The following STK10 variants were observed in gnomAD, a reference collection of about 807,000 sequenced individuals.
STK10 encodes the protein serine/threonine-protein kinase 10.
A neutral mutation model predicts 113.8 loss-of-function variants in STK10; 78 were observed. That is an observed-to-expected ratio of 0.69 (90% confidence interval 0.57 to 0.83). The LOEUF (loss-of-function observed/expected upper bound fraction) is 0.83, where lower values mean the gene tolerates loss of function less well. STK10 is among the 40% of genes least tolerant of loss of function. The pLI is 0.00. For synonymous variants in STK10, 465 were observed against 494.7 expected (o/e 0.94, Z 0.80); for missense variants, 1,109 against 1,280.1 (o/e 0.87, Z 2.04).
intron 2 of STK10, among the ~76,000 whole-genome samples, chr5:172,144,286 T>C (rs1770037861): frequency 1.3e-5 from 2 of 152,236 alleles, no homozygotes; most frequent in African/African-American, 4.8e-5. Context: ...TCTAGGCTTG[T>C]TTCTTCCTGC....
chr5:172,162,450 TCACA>T (rs1220747529), intron 1 of STK10, among the ~76,000 whole-genome samples: 2 of 150,818 alleles, frequency 1.3e-5, no homozygotes, highest in Non-Finnish European at 3.0e-5. Flanking sequence ...TCTCTCTCTC[TCACA>T]CACACACACA....
At chr5:172,138,270 T>C (rs1769908082) in intron 2 of STK10, among the ~76,000 whole-genome samples, 3 of 152,082 alleles carry the variant, frequency 2.0e-5, no homozygotes, top group Admixed American at 6.6e-5. Flanking sequence ...TACAGGCATG[T>C]GCCACCACGC....
At chr5:172,158,630 A>G (rs1002086779) in intron 1 of STK10, among the ~76,000 whole-genome samples, 22 of 152,324 alleles carry the variant, frequency 1.4e-4, no homozygotes, top group Middle Eastern at 3.4e-3. Context: ...CCATCTCAAA[A>G]CAAACAAACA....
intron 12 of STK10, among the ~76,000 whole-genome samples, chr5:172,081,053 C>T (rs1388364055): frequency 6.6e-6 from 1 of 152,012 alleles, no homozygotes; most frequent in Non-Finnish European, 1.5e-5. Flanking sequence ...AATCCTAGGG[C>T]CCTTAAGAAT....
intron 13 of STK10, chr5:172,064,463 A>G: frequency 1.8e-6 from 1 of 553,010 alleles, no homozygotes; most frequent in Non-Finnish European, 3.2e-6. Context: ...AGGAGGTGCT[A>G]AGGGTTTGGG....
chr5:172,168,091 G>A lies in STK10; in HGVS notation c.157-11303C>T, dbSNP rs144933582. 9.7e-4 allele frequency among the ~76,000 whole-genome samples: 148 copies of A among 152,284 alleles called. 1 individual carries two copies. Among genetic ancestry groups the A allele is most frequent in the Non-Finnish European group, 1.6e-3 (111 of 68,012 alleles). On this transcript the variant is annotated intron_variant, in intron 1 of 18. Coordinates refer to ENST00000176763, the MANE Select transcript of STK10 (RefSeq NM_005990.4). ...GCCTGGGTGTGGGTCAGAGCCAAAG[G>A]ACGGAGCAGTCAGGGCTCAGGGTTC...
intron 1 of STK10, among the ~76,000 whole-genome samples, chr5:172,157,493 T>A (rs1236745348): frequency 1.3e-5 from 2 of 152,002 alleles, no homozygotes; most frequent in Non-Finnish European, 2.9e-5. Flanking sequence ...GAGGCAGAGG[T>A]TGCAGTGAGC....
chr5:172,182,541 G>A (rs1298444087), intron 1 of STK10, among the ~76,000 whole-genome samples: 1 of 143,774 alleles, frequency 7.0e-6, no homozygotes, highest in Non-Finnish European at 1.5e-5. Flanking sequence ...ATGTCACCAT[G>A]CCCAGCTCAT....
chr5:172,086,985 C>G (rs1170548034), intron 10 of STK10, among the ~76,000 whole-genome samples: 2 of 152,100 alleles, frequency 1.3e-5, no homozygotes, highest in African/African-American at 2.4e-5. Flanking sequence ...GTGATGGAAA[C>G]CCAGCTCTTG....
At chr5:172,073,111 G>A (rs1366073736) in intron 12 of STK10, among the ~76,000 whole-genome samples, 1 of 151,710 alleles carries the variant, frequency 6.6e-6, no homozygotes, top group Admixed American at 6.6e-5. Context: ...AAGCAGCTGG[G>A]ATTACAGGTG....
chr5:172,128,116 G>A (rs941412228), intron 2 of STK10, among the ~76,000 whole-genome samples: 2 of 151,788 alleles, frequency 1.3e-5, no homozygotes, highest in African/African-American at 4.8e-5. Flanking sequence ...CCAGCCTAGT[G>A]GAGGGGCAGA....
chr5:172,130,790 A>G (rs1010962544), intron 2 of STK10, among the ~76,000 whole-genome samples: 2 of 152,168 alleles, frequency 1.3e-5, no homozygotes, highest in African/African-American at 4.8e-5. Flanking sequence ...GATTCCTTAC[A>G]TGAAAGAACA....
intron 10 of STK10, among the ~76,000 whole-genome samples, chr5:172,088,092 A>AT (rs1336285883): frequency 6.6e-6 from 1 of 151,558 alleles, no homozygotes; most frequent in Non-Finnish European, 1.5e-5. Context: ...TAATTTTAAA[A>AT]TTTTTTTGTA....
At chr5:172,147,983 G>A (rs1002300471) in intron 2 of STK10, among the ~76,000 whole-genome samples, 12 of 152,184 alleles carry the variant, frequency 7.9e-5, no homozygotes, top group East Asian at 3.9e-4. Flanking sequence ...GCCTGTGGGC[G>A]TGGTTCACAC....
At chr5:172,121,063 C>G (rs1394713636) in intron 3 of STK10, among the ~76,000 whole-genome samples, 2 of 147,502 alleles carry the variant, frequency 1.4e-5, no homozygotes, top group Non-Finnish European at 3.0e-5. Flanking sequence ...GAGTCTTGCT[C>G]TCTTGCCCAG....
At position 172,093,659 on chromosome 5, in the gene STK10, T is replaced by G; in HGVS notation, c.1307A>C (p.Asp436Ala). Residue 436 changes from aspartate to alanine, a missense_variant, in exon 9 of 19, where the codon GAC becomes GCC. By Grantham distance (126) the Asp-to-Ala change is moderately radical. Transcript: ENST00000176763. The surrounding 1 kb of genome is among the most constrained non-coding windows in gnomAD (Gnocchi z 4.1). ...QEKQVAEQGG[D>A]LSPAANRSQK... ...AGATCTGTTGGCTGCTGGGCTGAGG[T>G]CCCCACCCTGCTCAGCAACTTGCTT... 1.2e-6 allele frequency: 2 copies of G among 1,614,130 alleles called. No homozygotes were observed. The highest frequency in any genetic ancestry group is 1.7e-6 in the Non-Finnish European group (2 of 1,180,030).
chr5:172,148,884 G>T (rs1378475890), intron 2 of STK10, among the ~76,000 whole-genome samples: 1 of 152,222 alleles, frequency 6.6e-6, no homozygotes, highest in Admixed American at 6.5e-5. Flanking sequence ...TAAAATGGGG[G>T]TGACAACATC....
At chr5:172,070,950 T>A (rs1036895724) in intron 12 of STK10, among the ~76,000 whole-genome samples, 2 of 151,682 alleles carry the variant, frequency 1.3e-5, no homozygotes, top group Non-Finnish European at 2.9e-5. Context: ...GGGGCGGTGG[T>A]GTATCCCAGC....
intron 1 of STK10, among the ~76,000 whole-genome samples, chr5:172,175,725 G>A (rs574887438): frequency 3.9e-5 from 6 of 152,272 alleles, no homozygotes; most frequent in African/African-American, 1.4e-4. Context: ...TGAAGCGACC[G>A]TGGACTGCCC....
Sources: allele counts gnomAD v4.1 joint callset (sites outside exome capture counted in the v4.1 genomes callset), GRCh38; gene constraint gnomAD v4.1.1; non-coding constraint Gnocchi (gnomAD v3.1); transcripts MANE v1.5; gene names NCBI Gene and HGNC (gene_info 2026-07-23, HGNC 2026-07-21).